Variants in LPCAT2 observed in about 807,000 individuals in gnomAD.
LPCAT2 encodes 1-AGP acyltransferase 11.
A neutral mutation model predicts 64.7 loss-of-function variants in LPCAT2; 58 were observed. The ratio of observed to expected loss-of-function variants is 0.90; its 90% CI spans 0.73 to 1.12. The LOEUF (loss-of-function observed/expected upper bound fraction) is 1.12. Among genes scored for constraint, LPCAT2 ranks in the 50% most tolerant of loss-of-function variants. The pLI is 0.00. For missense variants in LPCAT2, 579 were observed against 669.8 expected (o/e 0.86, Z 1.50); for synonymous variants, 252 against 245.3 (o/e 1.03, Z -0.26).
chr16:55,541,949 A>C, intron 8 of LPCAT2: 1 of 1,257,936 alleles, frequency 7.9e-7, no homozygotes, highest in Non-Finnish European at 1.0e-6. Context: ...AAGAACTAGA[A>C]CTGCACATTT....
At chr16:55,525,760 A>C in intron 2 of LPCAT2, 113 bp downstream of exon 2, 1 of 652,144 alleles carries the variant, frequency 1.5e-6, no homozygotes, top group Non-Finnish European at 2.2e-6. Flanking sequence ...GCTGTTAGAT[A>C]AAACTATTTT....
At chr16:55,527,568 T>C (rs1334187524) in intron 2 of LPCAT2, among the ~76,000 whole-genome samples, 1 of 151,812 alleles carries the variant, frequency 6.6e-6, no homozygotes, top group Admixed American at 6.6e-5. Flanking sequence ...CTTATTCACA[T>C]ACTGAGATAT....
intron 11 of LPCAT2, among the ~76,000 whole-genome samples, chr16:55,570,342 G>C (rs550013329): frequency 4.4e-4 from 67 of 152,254 alleles, no homozygotes; most frequent in African/African-American, 1.5e-3. Flanking sequence ...ATCAGTACTG[G>C]CTAGGCATGG....
intron 1 of LPCAT2, among the ~76,000 whole-genome samples, chr16:55,515,606 TC>T (rs2142388647): frequency 6.6e-6 from 1 of 152,346 alleles, no homozygotes; most frequent in South Asian, 2.1e-4. Context: ...TGTTTGTAAA[TC>T]TTTTTTTCTC....
chr16:55,537,970 T>C (rs1462157141), intron 8 of LPCAT2, among the ~76,000 whole-genome samples: 1 of 152,158 alleles, frequency 6.6e-6, no homozygotes, highest in Non-Finnish European at 1.5e-5. Flanking sequence ...CCACACCTCC[T>C]TAAAGAAAAT....
intron 6 of LPCAT2, 128 bp from the exon 7 acceptor site, chr16:55,534,315 A>G (rs1350039195): frequency 4.7e-6 from 3 of 641,998 alleles, no homozygotes; most frequent in South Asian, 3.7e-5. Context: ...TAATGTATTT[A>G]TTTTACTTCT....
chr16:55,562,338 C>T lies in LPCAT2; in HGVS notation c.1215+11236C>T, dbSNP rs990592137. 3.9e-5 allele frequency among the ~76,000 whole-genome samples: 6 copies of T among 152,048 alleles called. No homozygotes were observed. The South Asian group carries it at 6.2e-4, about 16-fold the overall frequency. ...TAGTCAGGCCTACACATGATCTCTT[C>T]TATAGGTAAATGTTCTCCTTTCCTT... On this transcript the variant is annotated intron_variant, in intron 11 of 13. Coordinates refer to ENST00000262134, the MANE Select transcript of LPCAT2 (RefSeq NM_017839.5).
chr16:55,568,333 G>C (rs145499113), intron 11 of LPCAT2, among the ~76,000 whole-genome samples: 3 of 152,168 alleles, frequency 2.0e-5, no homozygotes. Flanking sequence ...AGCTCTTGTC[G>C]TGTCTTGTCC....
Position 55,509,132 on chromosome 16 carries a change from T to G in LPCAT2, c.-50T>G, listed in dbSNP as rs1371870386. 5 of 1,298,158 alleles carry G rather than the reference T, an allele frequency of 3.9e-6. No individual in the cohort carries two copies. The highest frequency in any genetic ancestry group is 4.9e-6 in the Non-Finnish European group (5 of 1,018,404). The allele number at this position is 1,298,158 out of a possible 1,614,324, so 80.4% of individuals were successfully genotyped here. ...AGTAGGTCTTCGGCTCAGTTTTGGC[T>G]GCAGCGCCCGCGTAGATCGCTTCGG... On this transcript the variant is annotated 5_prime_UTR_variant, in exon 1 of 14. Transcript: ENST00000262134.
In LPCAT2 at chr16:55,584,327, A is replaced by C. The variant is rs993704257; in HGVS notation, c.*1229A>C. The C allele has an allele frequency of 2.6e-5, 4 of 152,174 alleles. No homozygotes were observed. Among genetic ancestry groups the C allele is most frequent in the African/African-American group, 9.7e-5 (4 of 41,440 alleles). 9.4% of individuals were successfully genotyped at this position (152,174 alleles called of 1,614,324 possible). A position where few individuals can be genotyped will look rare whatever the true frequency, so the allele number is the denominator to read the frequency against. The stretch of plus-strand genomic sequence containing the variant: ...GTGTGAAATATCTCCCAGAAAACAC[A>C]AAAGGTTTCAAGGTATCACCCAAAG... On this transcript the variant is annotated 3_prime_UTR_variant, in exon 14 of 14. Transcript: ENST00000262134.
intron 11 of LPCAT2, among the ~76,000 whole-genome samples, chr16:55,560,381 A>G (rs1963622486): frequency 6.6e-6 from 1 of 152,114 alleles, no homozygotes; most frequent in East Asian, 1.9e-4. Flanking sequence ...CTTCTGTGTT[A>G]TTCTAGACGA....
At chr16:55,543,560 C>G (rs530671792) in intron 8 of LPCAT2, among the ~76,000 whole-genome samples, 1 of 151,994 alleles carries the variant, frequency 6.6e-6, no homozygotes, top group South Asian at 2.1e-4. Context: ...GGATTTTATA[C>G]TAAGCAAATA....
Position 55,529,945 on chromosome 16 carries a change from CAGGTAAAACATGGT to C in LPCAT2, c.642+1_642+14del, listed in dbSNP as rs1325435936. On this transcript the variant is annotated splice_donor_variant and splice_donor_5th_base_variant and coding_sequence_variant and intron_variant, in exon 4 of 14. Coordinates refer to ENST00000262134, the MANE Select transcript of LPCAT2 (RefSeq NM_017839.5). LOFTEE classifies it high-confidence loss of function. Reference sequence around the variant, plus strand: ...AACAACATCAGGAGGAGAATGGCCCCAGGTAAAACATGGTAGATGTTAATTTAAATATAGTGGGA... The same window carrying C: ...AACAACATCAGGAGGAGAATGGCCCCAGATGTTAATTTAAATATAGTGGGA... 2.5e-6 allele frequency: 4 copies of C among 1,601,760 alleles called. No individual in the cohort carries two copies. Among genetic ancestry groups the C allele is most frequent in the Non-Finnish European group, 3.4e-6 (4 of 1,172,306 alleles).
chr16:55,566,998 T>G, intron 11 of LPCAT2: 1 of 1,613,902 alleles, frequency 6.2e-7, no homozygotes, highest in South Asian at 1.1e-5. Flanking sequence ...GTTAGGCGAT[T>G]TCGGCAACAA....
rs927853803 is a variant in LPCAT2, at chr16:55,585,307, G to A, written c.*2209G>A. Reference sequence around the variant, plus strand: ...TTAAACTTTATGAAATGTCAGAAATGATTTTACTCTAATGAAACTCAAATT... The same window carrying A: ...TTAAACTTTATGAAATGTCAGAAATAATTTTACTCTAATGAAACTCAAATT... On this transcript the variant is annotated 3_prime_UTR_variant, in exon 14 of 14. Coordinates refer to ENST00000262134, the MANE Select transcript of LPCAT2 (RefSeq NM_017839.5). 1 of 152,090 alleles carries A rather than the reference G, an allele frequency of 6.6e-6. No homozygotes were observed. The highest frequency in any genetic ancestry group is 1.5e-5 in the Non-Finnish European group (1 of 67,988). 9.4% of individuals were successfully genotyped at this position (152,090 alleles called of 1,614,324 possible). A position where few individuals can be genotyped will look rare whatever the true frequency, so the allele number is the denominator to read the frequency against.
intron 11 of LPCAT2, among the ~76,000 whole-genome samples, chr16:55,574,363 C>T (rs1467814846): frequency 6.6e-6 from 1 of 152,152 alleles, no homozygotes; most frequent in Non-Finnish European, 1.5e-5. Flanking sequence ...CAAAGCTGAG[C>T]TCAAGAACCC....
At chr16:55,568,493 A>G (rs1963733301) in intron 11 of LPCAT2, among the ~76,000 whole-genome samples, 1 of 152,228 alleles carries the variant, frequency 6.6e-6, no homozygotes, top group Non-Finnish European at 1.5e-5. Flanking sequence ...CATATTGCTG[A>G]CTATTGCAAT....
At chr16:55,554,373 C>T (rs555121209) in intron 11 of LPCAT2, among the ~76,000 whole-genome samples, 1 of 152,286 alleles carries the variant, frequency 6.6e-6, no homozygotes, top group East Asian at 1.9e-4. Flanking sequence ...GCACTTGCTG[C>T]CATACCTTGC....
intron 11 of LPCAT2, among the ~76,000 whole-genome samples, chr16:55,554,947 A>G (rs901091818): frequency 1.3e-5 from 2 of 152,216 alleles, no homozygotes; most frequent in Non-Finnish European, 2.9e-5. Context: ...ACATTTATCA[A>G]TTAAGTTTGC....
Sources: allele counts gnomAD v4.1 joint callset (sites outside exome capture counted in the v4.1 genomes callset), GRCh38; gene constraint gnomAD v4.1.1; transcripts MANE v1.5; gene names NCBI Gene and HGNC (gene_info 2026-07-23, HGNC 2026-07-21).